Variants in NCAM2 observed in about 807,000 individuals in gnomAD.
NCAM2 encodes neural cell adhesion molecule 2.
A neutral mutation model predicts 98.1 loss-of-function variants in NCAM2; 30 were observed. The ratio of observed to expected loss-of-function variants is 0.31; its 90% confidence interval spans 0.23 to 0.41. NCAM2 has a LOEUF of 0.41. Among genes scored for constraint, NCAM2 ranks in the 10% least tolerant of loss-of-function variants. NCAM2 has a pLI of 1.00. For missense variants in NCAM2, 867 were observed against 1,005.8 expected, an observed-to-expected ratio of 0.86 and a Z score of 1.87; for synonymous variants, 368 against 342.4, an observed-to-expected ratio of 1.07 and a Z score of -0.83.
intron 11 of NCAM2, among the ~76,000 whole-genome samples, chr21:21,427,361 C>CAGAGATG (rs2077237175): frequency 6.6e-6 from 1 of 152,034 alleles, no homozygotes; most frequent in Admixed American, 6.6e-5. Flanking sequence ...ACATGTCATT[C>CAGAGATG]AGAGATGAAG....
chr21:21,305,760 C>A (rs533039825), intron 5 of NCAM2, among the ~76,000 whole-genome samples: 87 of 152,014 alleles, frequency 5.7e-4, no homozygotes, highest in Middle Eastern at 3.4e-3. Context: ...GCCATCTGAT[C>A]TTTATTATTT....
At chr21:21,040,986 A>T (rs1364272570) in intron 1 of NCAM2, among the ~76,000 whole-genome samples, 3 of 152,152 alleles carry the variant, frequency 2.0e-5, no homozygotes, top group Non-Finnish European at 4.4e-5. Flanking sequence ...AATAACCCTT[A>T]TTTCATCATT....
intron 1 of NCAM2, among the ~76,000 whole-genome samples, chr21:21,071,784 T>A (rs751694556): frequency 6.6e-6 from 1 of 152,136 alleles, no homozygotes; most frequent in Non-Finnish European, 1.5e-5. Context: ...TTTAAATATC[T>A]GCGGAAAAAA....
intron 1 of NCAM2, among the ~76,000 whole-genome samples, chr21:21,228,837 A>C (rs1453501118): frequency 6.6e-6 from 1 of 151,530 alleles, no homozygotes; most frequent in African/African-American, 2.4e-5. Flanking sequence ...ATAAAAATCC[A>C]GACAAAGTAT....
chr21:21,523,199 C>A (rs1233394451), intron 16 of NCAM2, among the ~76,000 whole-genome samples: 2 of 152,092 alleles, frequency 1.3e-5, no homozygotes, highest in Non-Finnish European at 2.9e-5. Flanking sequence ...TTGATGCGAT[C>A]CCATCTGTCC....
chr21:21,232,887 C>T (rs2070685171), intron 1 of NCAM2, among the ~76,000 whole-genome samples: 2 of 151,326 alleles, frequency 1.3e-5, no homozygotes, highest in South Asian at 4.1e-4. Flanking sequence ...AAATGGTTTC[C>T]AAATGTTGGT....
chr21:21,444,373 G>A lies in NCAM2; in HGVS notation c.1654+12092G>A, dbSNP rs149501438. Among the ~76,000 whole-genome samples the A allele has an allele frequency of 1.9e-4, 29 of 152,118 alleles. No homozygotes were observed. In the East Asian group the frequency reaches 2.3e-3, roughly 12 times the overall value. ...AAAGTGAGTTAGGGGGAGTCCCTCC[G>A]TTTCAATTGTTTGGAATCGTTTCAG... On this transcript the variant is annotated intron_variant, in intron 12 of 17. Transcript: ENST00000400546.
At chr21:21,364,626 A>G (rs1350183194) in intron 8 of NCAM2, among the ~76,000 whole-genome samples, 3 of 151,984 alleles carry the variant, frequency 2.0e-5, no homozygotes, top group Admixed American at 6.6e-5. Flanking sequence ...ATATACATGT[A>G]TATGTATACG....
intron 16 of NCAM2, among the ~76,000 whole-genome samples, chr21:21,515,028 C>T (rs955079243): frequency 6.6e-6 from 1 of 152,030 alleles, no homozygotes; most frequent in Non-Finnish European, 1.5e-5. Context: ...AAAAAATTTG[C>T]AATTACAAAT....
chr21:21,436,546 A>AT (rs1345175993), intron 12 of NCAM2, among the ~76,000 whole-genome samples: 3 of 151,966 alleles, frequency 2.0e-5, no homozygotes, highest in Non-Finnish European at 2.9e-5. Flanking sequence ...ACTCTGAAGG[A>AT]TTTTTTCTCC....
At chr21:21,098,745 T>C (rs2146478551) in intron 1 of NCAM2, among the ~76,000 whole-genome samples, 1 of 151,988 alleles carries the variant, frequency 6.6e-6, no homozygotes, top group African/African-American at 2.4e-5. Context: ...TTATTAACTG[T>C]ACTAGTATGA....
At chr21:21,510,303 C>T (rs1165968123) in intron 16 of NCAM2, among the ~76,000 whole-genome samples, 1 of 152,100 alleles carries the variant, frequency 6.6e-6, no homozygotes, top group Non-Finnish European at 1.5e-5. Flanking sequence ...AACCTTACCA[C>T]CACATTCTGG....
chr21:21,116,018 TGTG>T, intron 1 of NCAM2, among the ~76,000 whole-genome samples: 1 of 4,100 alleles, frequency 2.4e-4, no homozygotes, highest in African/African-American at 5.8e-4. Context: ...GCTGAGATTG[TGTG>T]TGTGTGTGTG....
intron 6 of NCAM2, among the ~76,000 whole-genome samples, chr21:21,331,510 T>TATATATATA (rs1441524860): frequency 9.4e-4 from 1 of 1,060 alleles, no homozygotes; most frequent in African/African-American, 2.0e-3. Flanking sequence ...CTCTATACTC[T>TATATATATA]CTCTCTCTAT....
chr21:21,513,767 G>T (rs1005787570), intron 16 of NCAM2, among the ~76,000 whole-genome samples: 2 of 152,124 alleles, frequency 1.3e-5, no homozygotes, highest in Non-Finnish European at 2.9e-5. Flanking sequence ...CTGCCTGGAT[G>T]TCTTGTCCAA....
At chr21:21,510,905 C>T (rs1223481326) in intron 16 of NCAM2, among the ~76,000 whole-genome samples, 1 of 151,976 alleles carries the variant, frequency 6.6e-6, no homozygotes, top group African/African-American at 2.4e-5. Context: ...TTATTATCTA[C>T]GTCTCCTTTC....
At chr21:21,353,052 C>G (rs1205050285) in intron 8 of NCAM2, among the ~76,000 whole-genome samples, 1 of 151,948 alleles carries the variant, frequency 6.6e-6, no homozygotes, top group Admixed American at 6.6e-5. Context: ...TGGGGTTTCA[C>G]CATGTTACCA....
intron 1 of NCAM2, among the ~76,000 whole-genome samples, chr21:21,266,644 T>A (rs2072288602): frequency 2.0e-5 from 3 of 151,714 alleles, no homozygotes; most frequent in Admixed American, 2.0e-4. Flanking sequence ...CACCGTGTGT[T>A]CTCACTCATA....
chr21:21,161,603 G>A (rs563393696), intron 1 of NCAM2, among the ~76,000 whole-genome samples: 1 of 151,576 alleles, frequency 6.6e-6, no homozygotes, highest in Non-Finnish European at 1.5e-5. Flanking sequence ...GAGAGAGAGA[G>A]AGCAAGATAA....
Sources: gnomAD v4.1 joint callset for allele counts (sites outside exome capture counted in the v4.1 genomes callset) on GRCh38, gnomAD v4.1.1 for gene constraint, MANE v1.5 for transcripts, NCBI Gene and HGNC (gene_info 2026-07-23, HGNC 2026-07-21) for gene names.